Variants in ANK3 observed in about 807,000 individuals in gnomAD.
ANK3 encodes ankyrin 3.
In ANK3, 57 loss-of-function variants were observed where a neutral mutation model predicts 370.9. That is an observed-to-expected ratio of 0.15 (90% CI 0.12 to 0.19). The LOEUF (loss-of-function observed/expected upper bound fraction) is 0.19, where lower values mean the gene tolerates loss of function less well. ANK3 is among the 10% of genes least tolerant of loss of function. ANK3 has a pLI of 1.00. For synonymous variants in ANK3, 1,929 were observed against 1,946.3 expected (o/e 0.99, Z 0.23); for missense variants, 4,439 against 5,302.1 (o/e 0.84, Z 5.06).
At chr10:60,402,667 A>T (rs1374172415) in intron 2 of ANK3, among the ~76,000 whole-genome samples, 1 of 152,208 alleles carries the variant, frequency 6.6e-6, no homozygotes, top group African/African-American at 2.4e-5. Flanking sequence ...GCACACTTCC[A>T]TTCTGTTTAG....
intron 2 of ANK3, among the ~76,000 whole-genome samples, chr10:60,414,006 C>T (rs1056900454): frequency 8.6e-5 from 13 of 151,942 alleles, no homozygotes; most frequent in African/African-American, 3.1e-4. Flanking sequence ...CAAAAACAAA[C>T]AGAAAAAACT....
chr10:60,348,322 T>A (rs1233164986), intron 1 of ANK3, among the ~76,000 whole-genome samples: 46 of 119,268 alleles, frequency 3.9e-4, no homozygotes, highest in African/African-American at 1.6e-3. Context: ...TTATCTGTCA[T>A]ATGAAAGAAA....
At chr10:60,460,341 A>G (rs547911915) in intron 2 of ANK3, among the ~76,000 whole-genome samples, 1 of 152,312 alleles carries the variant, frequency 6.6e-6, no homozygotes, top group East Asian at 1.9e-4. Flanking sequence ...AAGAATCATT[A>G]GAAACTTGGG....
intron 7 of ANK3, among the ~76,000 whole-genome samples, chr10:60,245,537 C>T (rs1022912160): frequency 6.6e-6 from 1 of 152,142 alleles, no homozygotes; most frequent in African/African-American, 2.4e-5. Flanking sequence ...TAACTACTAA[C>T]CTACTTGTTG....
intron 18 of ANK3, among the ~76,000 whole-genome samples, chr10:60,179,997 G>C (rs2096106821): frequency 6.7e-6 from 1 of 150,276 alleles, no homozygotes; most frequent in Admixed American, 6.6e-5. Context: ...GTTTAAGTCT[G>C]TCTCTCTCTC....
intron 2 of ANK3, among the ~76,000 whole-genome samples, chr10:60,454,612 C>CA (rs1360497616): frequency 6.6e-6 from 1 of 152,088 alleles, no homozygotes; most frequent in Non-Finnish European, 1.5e-5. Flanking sequence ...AAAAATAGGC[C>CA]ACCCTTTGGC....
chr10:60,406,148 A>C (rs72806158), intron 2 of ANK3, among the ~76,000 whole-genome samples: 18,234 of 152,190 alleles, frequency 0.12, 1,162 homozygotes, highest in South Asian at 0.14. Flanking sequence ...TATATAGTAG[A>C]TATTTTAGGC....
At chr10:60,514,534 C>G (rs1326889824) in intron 2 of ANK3, among the ~76,000 whole-genome samples, 1 of 152,020 alleles carries the variant, frequency 6.6e-6, no homozygotes, top group East Asian at 1.9e-4. Flanking sequence ...GTTGGATCCC[C>G]CCATATACAT....
chr10:60,090,486 A>G (rs943822114), intron 28 of ANK3, among the ~76,000 whole-genome samples: 2 of 152,192 alleles, frequency 1.3e-5, no homozygotes, highest in Admixed American at 1.3e-4. Flanking sequence ...AAAAAGAGTA[A>G]ACTTGAAAAG....
intron 1 of ANK3, among the ~76,000 whole-genome samples, chr10:60,333,722 A>G (rs1426994213): frequency 6.6e-6 from 1 of 152,198 alleles, no homozygotes; most frequent in East Asian, 1.9e-4. Context: ...GAATTGCCAC[A>G]CTGTCTTCCA....
chr10:60,641,876 T>C (rs1391372154), intron 1 of ANK3, among the ~76,000 whole-genome samples: 2 of 151,264 alleles, frequency 1.3e-5, no homozygotes, highest in Admixed American at 1.3e-4. Context: ...TTTTGCAACC[T>C]ACTCATCTGA....
At chr10:60,048,826 G>A (rs1159943533) in intron 42 of ANK3, among the ~76,000 whole-genome samples, 4 of 152,186 alleles carry the variant, frequency 2.6e-5, no homozygotes, top group Non-Finnish European at 5.9e-5. Context: ...GTCTGGCTGT[G>A]TGATTTTGAG....
chr10:60,710,842 C>T (rs1201619159), intron 1 of ANK3, among the ~76,000 whole-genome samples: 3 of 152,164 alleles, frequency 2.0e-5, no homozygotes, highest in African/African-American at 4.8e-5. Flanking sequence ...GGCCTGAAAA[C>T]CAGGTGTATC....
At chr10:60,605,224 A>G (rs2078112862) in intron 2 of ANK3, among the ~76,000 whole-genome samples, 1 of 152,042 alleles carries the variant, frequency 6.6e-6, no homozygotes, top group South Asian at 2.1e-4. Flanking sequence ...CTCTCCTTTT[A>G]GGTTCTACGG....
In ANK3 at chr10:60,075,097, T is replaced by C; in HGVS notation, c.5784A>G (p.Pro1928=). 1 of 1,614,116 alleles carries C rather than the reference T, an allele frequency of 6.2e-7. No homozygotes were observed. Among genetic ancestry groups the C allele is most frequent in the Non-Finnish European group, 8.5e-7 (1 of 1,180,002 alleles). ...CTTCCTTTGGGAGTTCAGGTTGGAATGGCTTCTCCTCAGGCACATCTGTCT... is the reference window on the plus strand; with the variant it reads ...CTTCCTTTGGGAGTTCAGGTTGGAACGGCTTCTCCTCAGGCACATCTGTCT... The part of the protein sequence containing the change: ...ILQTDVPEEK[P]FQPELPKEGR... The change falls in exon 37 of 44, where the codon CCA becomes CCG. Residue 1928 remains proline (P), a synonymous_variant. Transcript: ENST00000280772.
intron 2 of ANK3, among the ~76,000 whole-genome samples, chr10:60,584,208 C>T (rs1449980767): frequency 2.0e-5 from 3 of 152,152 alleles, no homozygotes; most frequent in Admixed American, 6.5e-5. Context: ...GGACCAATTA[C>T]TTGGTTGTTT....
chr10:60,239,460 T>C (rs758998048), intron 7 of ANK3, among the ~76,000 whole-genome samples: 10 of 152,064 alleles, frequency 6.6e-5, no homozygotes, highest in Non-Finnish European at 1.0e-4. Context: ...TCAGAAATTA[T>C]GCAATCCAGA....
chr10:60,052,927 C>G (rs1025621162), intron 42 of ANK3, among the ~76,000 whole-genome samples: 1 of 151,824 alleles, frequency 6.6e-6, no homozygotes, highest in Non-Finnish European at 1.5e-5. Flanking sequence ...ACTAGGCCAT[C>G]TTTTTCATCA....
chr10:60,279,891 T>C (rs535156662), intron 1 of ANK3, among the ~76,000 whole-genome samples: 77 of 152,138 alleles, frequency 5.1e-4, no homozygotes, highest in Non-Finnish European at 9.7e-4. Flanking sequence ...TCCTATAAAG[T>C]ATAGGCACCT....
Sources: allele counts gnomAD v4.1 joint callset (sites outside exome capture counted in the v4.1 genomes callset), GRCh38; gene constraint gnomAD v4.1.1; transcripts MANE v1.5; gene names NCBI Gene and HGNC (gene_info 2026-07-23, HGNC 2026-07-21).